Variants in ACACB observed in about 807,000 individuals in gnomAD.
The protein encoded by ACACB is acetyl-CoA carboxylase beta.
ACACB carries 209 observed loss-of-function variants against 278.8 expected under a neutral mutation model. The ratio of observed to expected loss-of-function variants is 0.75; its 90% CI spans 0.67 to 0.84. ACACB has a LOEUF of 0.84. Among genes scored for constraint, ACACB ranks in the 40% least tolerant of loss-of-function variants. ACACB has a pLI of 0.00. For synonymous variants in ACACB, 1,174 were observed against 1,285.6 expected (o/e 0.91, Z 1.86); for missense variants, 2,850 against 3,269.0 (o/e 0.87, Z 3.13).
intron 31 of ACACB, 125 bp from the exon 32 acceptor site, chr12:109,235,188 C>G: frequency 1.3e-6 from 1 of 797,280 alleles, no homozygotes; most frequent in South Asian, 1.5e-5. Flanking sequence ...CAGGAGGTCT[C>G]TTATGATTGA....
intron 47 of ACACB, among the ~76,000 whole-genome samples, chr12:109,259,446 G>T (rs887544398): frequency 6.6e-6 from 1 of 152,022 alleles, no homozygotes; most frequent in Non-Finnish European, 1.5e-5. Flanking sequence ...AATTAGCTGG[G>T]CATGGTGGCA....
At chr12:109,249,909 C>T (rs2136741242) in intron 40 of ACACB, 75 bp from the exon 41 acceptor site, 1 of 1,516,870 alleles carries the variant, frequency 6.6e-7, no homozygotes, top group Non-Finnish European at 8.8e-7. Context: ...CCAGTCAGTC[C>T]CTTCTTGGGA....
chr12:109,221,663 A>G (rs2046163656), intron 24 of ACACB, among the ~76,000 whole-genome samples: 1 of 152,160 alleles, frequency 6.6e-6, no homozygotes, highest in African/African-American at 2.4e-5. Context: ...TTGGGGGCAG[A>G]ATAGTGCTGT....
At position 109,182,471 on chromosome 12, in the gene ACACB, G is replaced by A. The variant is rs772472731; in HGVS notation, c.1818+2384G>A. The stretch of plus-strand genomic sequence containing the variant: ...CAGTCTTGACCTCCTGGGCTCAAGC[G>A]ATTCTCCCACATCAACCTCCTGAGT... On this transcript the variant is annotated intron_variant, in intron 11 of 52. Coordinates refer to ENST00000338432, the MANE Select transcript of ACACB (RefSeq NM_001093.4). 3.9e-5 allele frequency among the ~76,000 whole-genome samples: 6 copies of A among 152,236 alleles called. No individual in the cohort carries two copies. The South Asian group carries it at 8.3e-4, about 21-fold the overall frequency.
At chr12:109,218,300 T>C (rs1248367491) in intron 24 of ACACB, among the ~76,000 whole-genome samples, 2 of 151,308 alleles carry the variant, frequency 1.3e-5, no homozygotes. Context: ...CCCCTGGGCT[T>C]AAGCCATCCT....
intron 1 of ACACB, among the ~76,000 whole-genome samples, chr12:109,120,594 A>G (rs1007668588): frequency 2.6e-5 from 4 of 152,112 alleles, no homozygotes; most frequent in Admixed American, 2.6e-4. Context: ...TAAATAGAGC[A>G]CTGTCTCCCA....
intron 34 of ACACB, 107 bp from the exon 35 acceptor site, chr12:109,239,723 G>A: frequency 1.5e-6 from 2 of 1,294,224 alleles, no homozygotes; most frequent in Non-Finnish European, 1.0e-6. Flanking sequence ...TTTGGAGGAG[G>A]GGAATGTTTT....
rs770963307 is a variant in ACACB at position 109,144,750 on chromosome 12, C to CTTTTTTTTTT, written c.653+4695_653+4696insTTTTTTTTTT. The stretch of plus-strand genomic sequence containing the variant: ...TCTTTCTTTTTCTTTTTCTTTCTTT[C>CTTTTTTTTTT]TTTCTTTTTTTTTTTTTTTTTTGAG... On this transcript the variant is annotated intron_variant, in intron 2 of 52. Coordinates refer to ENST00000338432, the MANE Select transcript of ACACB (RefSeq NM_001093.4). 6.1e-4 allele frequency among the ~76,000 whole-genome samples: 53 copies of CTTTTTTTTTT among 86,776 alleles called. 1 individual carries two copies. Among genetic ancestry groups the CTTTTTTTTTT allele is most frequent in the East Asian group, 1.1e-3 (3 of 2,810 alleles). The allele number at this position is 86,776 out of a possible 152,430, so 56.9% of individuals were successfully genotyped here.
intron 39 of ACACB, among the ~76,000 whole-genome samples, chr12:109,246,920 A>G (rs1187130023): frequency 6.6e-6 from 1 of 152,146 alleles, no homozygotes; most frequent in Non-Finnish European, 1.5e-5. Context: ...CTACTAATGA[A>G]AAAACTAGGT....
At chr12:109,127,611 G>A (rs933204254) in intron 1 of ACACB, among the ~76,000 whole-genome samples, 13 of 150,652 alleles carry the variant, frequency 8.6e-5, no homozygotes, top group Non-Finnish European at 3.0e-5. Flanking sequence ...AAAAAAAAAA[G>A]AATAAAGTTC....
At chr12:109,129,743 A>G (rs911851023) in intron 1 of ACACB, among the ~76,000 whole-genome samples, 6 of 152,200 alleles carry the variant, frequency 3.9e-5, no homozygotes, top group Non-Finnish European at 8.8e-5. Context: ...CAGGCCTGGG[A>G]AGCTGTCCTT....
intron 37 of ACACB, 148 bp from the exon 38 acceptor site, chr12:109,245,478 A>T: frequency 1.2e-6 from 1 of 835,552 alleles, no homozygotes; most frequent in Non-Finnish European, 1.7e-6. Flanking sequence ...GCTCATATTT[A>T]AATATGCTTT....
At chr12:109,202,945 G>A (rs4766454) in intron 19 of ACACB, among the ~76,000 whole-genome samples, 94,229 of 151,964 alleles carry the variant, frequency 0.62, 30,000 homozygotes, top group African/African-American at 0.75. Flanking sequence ...TTGTTGCACA[G>A]CCATCACCAT....
chr12:109,213,038 T>G (rs1384093339), intron 22 of ACACB, 102 bp downstream of exon 22: 4 of 955,108 alleles, frequency 4.2e-6, no homozygotes, highest in Non-Finnish European at 6.6e-6. Flanking sequence ...AGGCTTGAAC[T>G]GAGAGAAAGT....
upstream of ACACB, among the ~76,000 whole-genome samples, chr12:109,116,173 A>G (rs563447263): frequency 6.6e-6 from 1 of 152,314 alleles, no homozygotes; most frequent in East Asian, 1.9e-4. Flanking sequence ...GCGTGATTTG[A>G]GAGGGTTTCG....
chr12:109,258,080 G>C, intron 45 of ACACB, among the ~76,000 whole-genome samples, 188 bp from the exon 46 acceptor site: 1 of 152,194 alleles, frequency 6.6e-6, no homozygotes, highest in Non-Finnish European at 1.5e-5. Flanking sequence ...CCTCAAAAAG[G>C]GCACCAATAG....
intron 11 of ACACB, among the ~76,000 whole-genome samples, chr12:109,181,840 CT>C (rs34174568): frequency 2.9e-4 from 24 of 81,578 alleles, no homozygotes; most frequent in Middle Eastern, 0.014. Flanking sequence ...TTTTCCTTTC[CT>C]TTTTTTTTTT....
intron 37 of ACACB, among the ~76,000 whole-genome samples, chr12:109,244,297 G>A (rs1289490174): frequency 1.3e-5 from 2 of 152,094 alleles, no homozygotes; most frequent in Non-Finnish European, 2.9e-5. Flanking sequence ...AGAGTAACTC[G>A]GGCCTCAGCT....
chr12:109,197,256 G>A, intron 17 of ACACB, 103 bp downstream of exon 17: 2 of 1,431,668 alleles, frequency 1.4e-6, no homozygotes, highest in Non-Finnish European at 1.9e-6. Flanking sequence ...AAGGGTCTTA[G>A]AGAAGGTGCC....
Sources: allele counts gnomAD v4.1 joint callset (sites outside exome capture counted in the v4.1 genomes callset), GRCh38; gene constraint gnomAD v4.1.1; transcripts MANE v1.5; gene names NCBI Gene and HGNC (gene_info 2026-07-23, HGNC 2026-07-21).